The following TG variants were observed in gnomAD, a reference collection of about 807,000 sequenced individuals.
TG encodes thyroid hormones.
Under a neutral mutation model 324.7 loss-of-function variants are expected in TG, and 270 were observed. The observed-to-expected ratio is 0.83, with a 90% confidence interval of 0.75 to 0.92. The LOEUF is 0.92. Ranked by LOEUF, TG falls within the 40% of genes least tolerant of loss-of-function variation. The pLI is 0.00. For missense variants in TG, 3,591 were observed against 3,456.4 expected, an observed-to-expected ratio of 1.04 and a Z score of -0.98; for synonymous variants, 1,401 against 1,327.0, an observed-to-expected ratio of 1.06 and a Z score of -1.21.
chr8:132,917,889 ATTT>A (rs71299038), intron 20 of TG, among the ~76,000 whole-genome samples: 3 of 138,764 alleles, frequency 2.2e-5, no homozygotes, highest in African/African-American at 2.6e-5. Context: ...GGTTTTTGCA[ATTT>A]TTTTTTTTTT....
At chr8:133,128,071 T>C (rs1851654342) in intron 45 of TG, among the ~76,000 whole-genome samples, 1 of 150,770 alleles carries the variant, frequency 6.6e-6, no homozygotes, top group South Asian at 2.1e-4. Flanking sequence ...AGTAATTCTA[T>C]CACTTGATAG....
intron 43 of TG, among the ~76,000 whole-genome samples, chr8:133,104,002 C>G (rs1849570019): frequency 6.6e-6 from 1 of 152,156 alleles, no homozygotes; most frequent in Admixed American, 6.5e-5. Context: ...GGGGCAATTA[C>G]TTTAGGGGCA....
At chr8:133,128,334 C>CAT (rs1205840109) in intron 45 of TG, among the ~76,000 whole-genome samples, 3 of 83,930 alleles carry the variant, frequency 3.6e-5, no homozygotes, top group East Asian at 3.0e-4. Context: ...AAACAAAAGG[C>CAT]GTGCACACAC....
chr8:132,872,371 G>A (rs898187195), intron 4 of TG, among the ~76,000 whole-genome samples: 9 of 151,352 alleles, frequency 5.9e-5, no homozygotes, highest in East Asian at 1.9e-4. Context: ...CCAGCTACTC[G>A]GGAGGCTGAG....
chr8:133,018,034 A>G lies in TG; in HGVS notation c.6782+37A>G, dbSNP rs774664239. On this transcript the variant is annotated intron_variant, in intron 38 of 47. Transcript: ENST00000220616. ...GTGGAGCACATCTTGGTAAATGCTC[A>G]GAGAAATCTCCTCCATTCTAATCTA... is the stretch of plus-strand genomic sequence containing the variant. 3.1e-6 allele frequency: 5 copies of G among 1,595,450 alleles called. No homozygotes were observed. In the East Asian group the frequency reaches 1.1e-4, roughly 36 times the overall value.
At chr8:132,969,307 T>C (rs1829126105) in intron 31 of TG, 151 bp from the exon 32 acceptor site, 2 of 638,402 alleles carry the variant, frequency 3.1e-6, no homozygotes, top group Non-Finnish European at 5.5e-6. Flanking sequence ...ATCATTTTAG[T>C]GAGATTTGAG....
chr8:132,964,380 C>G (rs1828228555), intron 29 of TG, among the ~76,000 whole-genome samples: 1 of 152,060 alleles, frequency 6.6e-6, no homozygotes, highest in Non-Finnish European at 1.5e-5. Context: ...GATTGCATTC[C>G]TGGGCTCAAG....
Position 133,038,508 on chromosome 8 carries a change from T to C in TG, c.7239+8485T>C, listed in dbSNP as rs1210996876. 4 of 1,571,248 alleles carry C rather than the reference T, an allele frequency of 2.5e-6. No individual in the cohort carries two copies. In the Admixed American group the frequency reaches 5.0e-5, roughly 20 times the overall value. On this transcript the variant is annotated intron_variant, in intron 41 of 47. Coordinates refer to ENST00000220616, the MANE Select transcript of TG (RefSeq NM_003235.5). ...TTCTGTTCCTTTTGGGCATGAACCA[T>C]TGTGTCTGTTCTTGGCTAGTCCTCA... is the stretch of plus-strand genomic sequence containing the variant.
intron 41 of TG, among the ~76,000 whole-genome samples, chr8:133,033,125 G>A (rs1185582551): frequency 6.6e-6 from 1 of 152,156 alleles, no homozygotes; most frequent in Non-Finnish European, 1.5e-5. Context: ...GAAGATCCTG[G>A]TCTTGGAGAA....
intron 37 of TG, among the ~76,000 whole-genome samples, chr8:133,015,503 G>T (rs574860758): frequency 6.6e-6 from 1 of 152,186 alleles, no homozygotes; most frequent in Admixed American, 6.5e-5. Context: ...CATTTTCCCC[G>T]TGTTTGATCT....
intron 34 of TG, among the ~76,000 whole-genome samples, chr8:132,979,846 C>A (rs1830607337): frequency 6.6e-6 from 1 of 152,110 alleles, no homozygotes; most frequent in Admixed American, 6.6e-5. Context: ...TCAAGTCAGA[C>A]CCCACAGGTT....
At chr8:133,092,215 G>C (rs1187658686) in intron 41 of TG, among the ~76,000 whole-genome samples, 1 of 152,216 alleles carries the variant, frequency 6.6e-6, no homozygotes, top group East Asian at 1.9e-4. Context: ...TGTGTGTGTG[G>C]ATATGTGTGC....
chr8:133,044,742 G>C (rs541487199), intron 41 of TG, among the ~76,000 whole-genome samples: 1 of 152,314 alleles, frequency 6.6e-6, no homozygotes, highest in African/African-American at 2.4e-5. Flanking sequence ...ACCCTAACTT[G>C]TTTAATGTAC....
chr8:133,080,606 C>A (rs1020577199), intron 41 of TG, among the ~76,000 whole-genome samples: 2 of 152,192 alleles, frequency 1.3e-5, no homozygotes, highest in Non-Finnish European at 1.5e-5. Flanking sequence ...ATCCCTTTCC[C>A]ACAGGAACCA....
At chr8:132,983,473 C>G in intron 35 of TG, 61 bp downstream of exon 35, 1 of 1,506,422 alleles carries the variant, frequency 6.6e-7, no homozygotes, top group Non-Finnish European at 9.2e-7. Context: ...CTTCTTTCTC[C>G]TCTTCCCCCT....
Position 133,131,797 on chromosome 8 carries a change from CCT to C in TG, c.7863-12_7863-11del, listed in dbSNP as rs767728307. ...CTCTTGACCTTTTGCTGCTGCTTTT[CCT>C]CTGTTTTCTCAGCCTGGAGCTGCTG... On this transcript the variant is annotated splice_polypyrimidine_tract_variant and intron_variant, in intron 45 of 47. Coordinates refer to ENST00000220616, the MANE Select transcript of TG (RefSeq NM_003235.5). The C allele has an allele frequency of 3.1e-6, 5 of 1,614,042 alleles. No individual in the cohort carries two copies. The South Asian group carries it at 3.3e-5, about 11-fold the overall frequency.
intron 28 of TG, 124 bp downstream of exon 28, chr8:132,961,197 T>C (rs1379887211): frequency 1.0e-6 from 1 of 980,000 alleles, no homozygotes; most frequent in East Asian, 2.5e-5. Flanking sequence ...ACTTTCCAAA[T>C]GCATACTTTC....
intron 8 of TG, 177 bp downstream of exon 8, chr8:132,883,176 C>T: frequency 1.5e-6 from 1 of 663,792 alleles, no homozygotes; most frequent in Non-Finnish European, 2.5e-6. Flanking sequence ...ACATGTTTCT[C>T]ATCTTGTGTC....
intron 15 of TG, among the ~76,000 whole-genome samples, chr8:132,900,750 C>T (rs1307678061): frequency 2.0e-5 from 3 of 152,176 alleles, no homozygotes; most frequent in Non-Finnish European, 2.9e-5. Flanking sequence ...CCATCATCTT[C>T]GGGGCCGTGC....
Sources: allele counts gnomAD v4.1 joint callset (sites outside exome capture counted in the v4.1 genomes callset), GRCh38; gene constraint gnomAD v4.1.1; transcripts MANE v1.5; gene names NCBI Gene and HGNC (gene_info 2026-07-23, HGNC 2026-07-21).